The following GTF2IRD1 variants were observed in gnomAD, a reference collection of about 807,000 sequenced individuals.
The protein encoded by GTF2IRD1 is GTF2I repeat domain containing 1, also known as general transcription factor II-I repeat domain-containing protein 1.
Under a neutral mutation model 113.2 loss-of-function variants are expected in GTF2IRD1, and 26 were observed. The observed-to-expected ratio is 0.23, with a 90% confidence interval of 0.17 to 0.32. The LOEUF (loss-of-function observed/expected upper bound fraction) is 0.32, where lower values mean the gene tolerates loss of function less well. Among genes scored for constraint, GTF2IRD1 ranks in the 10% least tolerant of loss-of-function variants. The pLI, the probability that GTF2IRD1 is intolerant of heterozygous loss-of-function variation, is 1.00. For missense variants in GTF2IRD1, 864 were observed against 1,280.8 expected (o/e 0.67, Z 4.97); for synonymous variants, 484 against 529.1 (o/e 0.91, Z 1.17).
rs370688173 is a variant in GTF2IRD1 at position 74,567,191 on chromosome 7, G to C, written c.2320+7536G>C. Among the ~76,000 whole-genome samples, 37 of 152,172 alleles carry C rather than the reference G, an allele frequency of 2.4e-4. No homozygotes were observed. In the East Asian group the frequency reaches 6.2e-3, roughly 25 times the overall value. On this transcript the variant is annotated intron_variant, in intron 22 of 26. Transcript: ENST00000424337. ...AAAAATACAAAAATTCGCTGGGCAT[G>C]GTGGCGCATGCCTGTAATCCCAGCT... is the stretch of plus-strand genomic sequence containing the variant.
intron 7 of GTF2IRD1, among the ~76,000 whole-genome samples, chr7:74,523,610 A>G (rs1554346489): frequency 1.3e-5 from 2 of 151,966 alleles, no homozygotes; most frequent in African/African-American, 4.8e-5. Context: ...AATCCCAGCT[A>G]CTTGGGAGGC....
intron 1 of GTF2IRD1, among the ~76,000 whole-genome samples, chr7:74,471,680 AAAAAAAAAAC>A (rs1177795774): frequency 1.3e-4 from 11 of 83,478 alleles, no homozygotes; most frequent in African/African-American, 5.2e-4. Context: ...TTTAAAAAAA[AAAAAAAAAAC>A]AAAAAAAAAA....
chr7:74,454,190 T>C lies in GTF2IRD1; in HGVS notation c.-7+14T>C, dbSNP rs868939516. On this transcript the variant is annotated intron_variant, in intron 1 of 26. Coordinates refer to ENST00000424337, the MANE Select transcript of GTF2IRD1 (RefSeq NM_005685.4). ...GGATCCTCCAAGGTAGGAGAAACTT[T>C]TGCGGGGGGCGGGCACCGAGGCCCT... The C allele has an allele frequency of 1.3e-5, 2 of 150,928 alleles. No individual in the cohort carries two copies. Among genetic ancestry groups the C allele is most frequent in the African/African-American group, 2.4e-5 (1 of 40,962 alleles). 9.3% of individuals were successfully genotyped at this position (150,928 alleles called of 1,614,324 possible).
At chr7:74,560,955 T>A (rs1799920197) in intron 22 of GTF2IRD1, among the ~76,000 whole-genome samples, 1 of 152,084 alleles carries the variant, frequency 6.6e-6, no homozygotes. Context: ...AAACCCAGAT[T>A]TGCAGGGGCT....
chr7:74,505,558 C>G (rs1796255705), intron 1 of GTF2IRD1, among the ~76,000 whole-genome samples: 4 of 152,236 alleles, frequency 2.6e-5, no homozygotes, highest in African/African-American at 9.6e-5. Flanking sequence ...AGAGCCTTTA[C>G]CGGAAGGAGC....
chr7:74,555,146 C>G lies in GTF2IRD1; in HGVS notation c.1917-28C>G, dbSNP rs1249106492. 1 of 1,610,706 alleles carries G rather than the reference C, an allele frequency of 6.2e-7. No homozygotes were observed. The highest frequency in any genetic ancestry group is 1.3e-5 in the African/African-American group (1 of 74,876). ...GTCCCAGAGATGCTTGGAGGGACCT[C>G]TGTGATAGCCTCGCTTGTGTTTTCC... On this transcript the variant is annotated intron_variant, in intron 17 of 26. Transcript: ENST00000424337. This position sits in a 1 kb window ranked among gnomAD's most constrained non-coding sequence, Gnocchi z 5.3.
At chr7:74,465,915 G>GC (rs1793679150) in intron 1 of GTF2IRD1, among the ~76,000 whole-genome samples, 1 of 152,088 alleles carries the variant, frequency 6.6e-6, no homozygotes. Flanking sequence ...GATCACGGGC[G>GC]CCCGCCACCA....
intron 22 of GTF2IRD1, among the ~76,000 whole-genome samples, chr7:74,578,986 CAAA>C (rs782815032): frequency 8.5e-5 from 8 of 93,576 alleles, no homozygotes; most frequent in African/African-American, 1.6e-4. Flanking sequence ...GATCCTGTCT[CAAA>C]AAAAAAAAAA....
rs772196312 is a variant in GTF2IRD1 at position 74,519,693 on chromosome 7, G to C, written c.890G>C (p.Gly297Ala). ...CCCATGCCAGAGCCCAAGGCCACCGGTGCCCAAGACTTCTCCGACTGTTGT... is the reference window on the plus strand; with the variant it reads ...CCCATGCCAGAGCCCAAGGCCACCGCTGCCCAAGACTTCTCCGACTGTTGT... ...SRPMPEPKAT[G>A]AQDFSDCCGQ... The change falls in exon 6 of 27, where the codon GGT becomes GCT. Residue 297 changes from glycine to alanine, a missense_variant. Around this residue, in one of 7 missense-constraint regions of GTF2IRD1, gnomAD observed 195 missense variants for 196.6 expected, o/e 0.99. Transcript: ENST00000424337. 1 of 1,587,228 alleles carries C rather than the reference G, an allele frequency of 6.3e-7. No homozygotes were observed. The highest frequency in any genetic ancestry group is 8.6e-7 in the Non-Finnish European group (1 of 1,167,044).
chr7:74,543,077 G>GGGT (rs55812886), intron 14 of GTF2IRD1, among the ~76,000 whole-genome samples: 38,280 of 151,886 alleles, frequency 0.25, 5,074 homozygotes, highest in East Asian at 0.48. Flanking sequence ...AGGCCGAGGC[G>GGGT]GGATCACCTG....
At chr7:74,460,184 C>G (rs1554328748) in intron 1 of GTF2IRD1, among the ~76,000 whole-genome samples, 1 of 151,948 alleles carries the variant, frequency 6.6e-6, no homozygotes, top group Admixed American at 6.6e-5. Context: ...GCCATGTTGC[C>G]CAGTTCCTGA....
At chr7:74,586,687 CA>C (rs2130977791) in intron 22 of GTF2IRD1, among the ~76,000 whole-genome samples, 1 of 152,312 alleles carries the variant, frequency 6.6e-6, no homozygotes, top group East Asian at 1.9e-4. Flanking sequence ...CTCTTTGGGG[CA>C]ACCCCCACAT....
intron 1 of GTF2IRD1, among the ~76,000 whole-genome samples, chr7:74,464,559 C>T (rs528600372): frequency 7.2e-5 from 11 of 152,100 alleles, no homozygotes; most frequent in South Asian, 2.1e-4. Context: ...GCACTTCTCC[C>T]GCCTCAGCCT....
rs375897360 is a variant in GTF2IRD1 at position 74,501,169 on chromosome 7, T to C, written c.-6-6906T>C. 9.9e-4 allele frequency among the ~76,000 whole-genome samples: 151 copies of C among 152,104 alleles called. 1 individual carries two copies. Among genetic ancestry groups the C allele is most frequent in the African/African-American group, 3.2e-3 (131 of 41,510 alleles). ...GTCTCCTCTTTGCCTCTTCCCTGGG[T>C]CCCAGCTGGGTGGTCTCGCCTGTTC... On this transcript the variant is annotated intron_variant, in intron 1 of 26. Transcript: ENST00000424337.
Position 74,539,953 on chromosome 7 carries a change from A to C in GTF2IRD1, c.1603A>C (p.Met535Leu). The change falls in exon 14 of 27, where the codon ATG becomes CTG. Residue 535 changes from methionine to leucine, a missense_variant. This residue lies in a region of GTF2IRD1 where 218 missense variants were observed against 352.6 expected (regional missense o/e 0.62). Transcript: ENST00000424337. ...GCCATCGGAGGATTCTGGTTATGGG[A>C]TGGAGATGCTGACAGGTAAGAAATG... Reference protein sequence around the residue: ...HLPSEDSGYGMEMLTDKGLSE... With the variant: ...HLPSEDSGYGLEMLTDKGLSE... 6.2e-7 allele frequency: 1 copy of C among 1,612,172 alleles called. No individual in the cohort carries two copies. The highest frequency in any genetic ancestry group is 8.5e-7 in the Non-Finnish European group (1 of 1,178,508).
intron 19 of GTF2IRD1, 77 bp from the exon 20 acceptor site, chr7:74,557,562 A>G (rs1486953705): frequency 3.5e-5 from 34 of 970,354 alleles, no homozygotes; most frequent in Non-Finnish European, 5.1e-5. Context: ...CCATAATTAG[A>G]AAATCATCTT....
intron 25 of GTF2IRD1, among the ~76,000 whole-genome samples, chr7:74,595,803 A>C (rs775092353): frequency 2.6e-5 from 4 of 152,166 alleles, no homozygotes; most frequent in Admixed American, 6.5e-5. Flanking sequence ...AGGGAGGATC[A>C]TGGAGTCCTC....
chr7:74,497,907 T>C (rs1221325497), intron 1 of GTF2IRD1, among the ~76,000 whole-genome samples: 4 of 151,952 alleles, frequency 2.6e-5, no homozygotes, highest in African/African-American at 7.2e-5. Flanking sequence ...TTTCACCATG[T>C]TGGTCAGGCT....
At chr7:74,558,728 C>G (rs1336495699) in intron 20 of GTF2IRD1, 133 bp from the exon 21 acceptor site, 1 of 645,102 alleles carries the variant, frequency 1.6e-6, no homozygotes, top group African/African-American at 1.8e-5. Flanking sequence ...CAGTGCTACA[C>G]TACATAAGAG....
Sources: gnomAD v4.1 joint callset for allele counts (sites outside exome capture counted in the v4.1 genomes callset) on GRCh38, gnomAD v4.1.1 for gene constraint, gnomAD v4.1.1 regional missense constraint, Gnocchi (gnomAD v3.1) non-coding constraint, MANE v1.5 for transcripts, NCBI Gene and HGNC (gene_info 2026-07-23, HGNC 2026-07-21) for gene names.